HNRNPH1: variants seen among roughly 807,000 people sequenced by gnomAD.
The protein encoded by HNRNPH1 is heterogeneous nuclear ribonucleoprotein H.
A neutral mutation model predicts 58.6 loss-of-function variants in HNRNPH1; 4 were observed. The ratio of observed to expected loss-of-function variants is 0.07; its 90% CI spans 0.03 to 0.16. The LOEUF (loss-of-function observed/expected upper bound fraction) is 0.16. HNRNPH1 is among the 10% of genes least tolerant of loss of function. The pLI is 1.00. For synonymous variants in HNRNPH1, 192 were observed against 189.2 expected (o/e 1.01, Z -0.12); for missense variants, 271 against 564.2 (o/e 0.48, Z 5.26).
intron 10 of HNRNPH1, 76 bp downstream of exon 11, chr5:179,616,793 A>T (rs1206550974): frequency 8.0e-7 from 1 of 1,249,476 alleles, no homozygotes; most frequent in Admixed American, 2.0e-5. Flanking sequence ...TTATTAAATA[A>T]ATAGATTAAC....
At chr5:179,632,609 A>G (rs1774936282) in intron 2 of HNRNPH1, among the ~76,000 whole-genome samples, 1 of 152,222 alleles carries the variant, frequency 6.6e-6, no homozygotes, top group Admixed American at 6.5e-5. Flanking sequence ...CGGCCACCTG[A>G]GGAGGGACCG....
intron 1 of HNRNPH1, chr5:179,622,043 A>T: frequency 2.2e-6 from 1 of 454,050 alleles, no homozygotes; most frequent in Non-Finnish European, 4.4e-6. Context: ...ATCCAAATAG[A>T]ATTTTAATCA....
chr5:179,625,679 ATAG>A (rs1774329900), upstream of HNRNPH1, among the ~76,000 whole-genome samples: 1 of 151,728 alleles, frequency 6.6e-6, no homozygotes, highest in Non-Finnish European at 1.5e-5. Flanking sequence ...AAAAAAAAGA[ATAG>A]TAGTAAGGTA....
At chr5:179,623,264 C>G (rs868421410) in exon 1 of HNRNPH1, 4 of 550,592 alleles carry the variant, frequency 7.3e-6, no homozygotes, top group South Asian at 3.6e-5. Context: ...GAGCAAAAAC[C>G]GGGCGGATGC....
chr5:179,623,249 C>T, exon 1 of HNRNPH1: 1 of 643,062 alleles, frequency 1.6e-6, no homozygotes, highest in Non-Finnish European at 2.6e-6. Flanking sequence ...CACCGCCCCC[C>T]CACGGAGCAA....
intron 11 of HNRNPH1, 77 bp downstream of exon 12, chr5:179,616,049 C>A: frequency 7.8e-7 from 1 of 1,274,274 alleles, no homozygotes; most frequent in East Asian, 2.3e-5. Context: ...ACAGGCTTTA[C>A]CATAACTTAC....
At chr5:179,630,860 G>A (rs1447250218) in intron 2 of HNRNPH1, among the ~76,000 whole-genome samples, 1 of 147,980 alleles carries the variant, frequency 6.8e-6, no homozygotes, top group East Asian at 2.0e-4. Flanking sequence ...GCAGTGAGCC[G>A]AGATCGTGCC....
At chr5:179,615,928 A>C (rs1390017680) in intron 11 of HNRNPH1, 198 bp downstream of exon 12, 14 of 548,666 alleles carry the variant, frequency 2.6e-5, no homozygotes, top group Non-Finnish European at 3.3e-6. Context: ...TAGCTAGTAA[A>C]AACAGTTACA....
At chr5:179,632,206 G>A (rs1361997931) in intron 2 of HNRNPH1, among the ~76,000 whole-genome samples, 1 of 152,096 alleles carries the variant, frequency 6.6e-6, no homozygotes, top group Non-Finnish European at 1.5e-5. Flanking sequence ...TACTTGGGAG[G>A]CTGAGGCAGG....
chr5:179,616,154 G>A (rs115293737), exon 11 of HNRNPH1: 18 of 1,613,922 alleles, frequency 1.1e-5, no homozygotes, highest in African/African-American at 4.0e-5. Flanking sequence ...TCTGGCCACC[G>A]TAGCCGCCTC....
At chr5:179,616,647 C>A (rs755870061) in intron 10 of HNRNPH1, 48 of 571,160 alleles carry the variant, frequency 8.4e-5, no homozygotes, top group Middle Eastern at 9.1e-4. Flanking sequence ...ACTCCGTAGT[C>A]CCCTCCCCCA....
exon 1 of HNRNPH1, chr5:179,623,223 G>A (rs1773577716): frequency 1.1e-5 from 10 of 883,612 alleles, no homozygotes; most frequent in Non-Finnish European, 1.7e-5. Flanking sequence ...TCGCCTCCGA[G>A]GCGCGCCCGG....
exon 1 of HNRNPH1, chr5:179,623,610 G>A (rs1773871870): frequency 6.4e-6 from 1 of 156,822 alleles, no homozygotes; most frequent in South Asian, 1.5e-4. Flanking sequence ...TCGCTGAACT[G>A]CAAGCGAGGA....
intron 11 of HNRNPH1, 189 bp downstream of exon 12, chr5:179,615,937 C>T (rs1769341048): frequency 1.8e-6 from 1 of 565,480 alleles, no homozygotes; most frequent in South Asian, 2.4e-5. Context: ...AAAACAGTTA[C>T]ATTTGGATTG....
chr5:179,620,118 T>A (rs1473722135), intron 3 of HNRNPH1: 4 of 152,218 alleles, frequency 2.6e-5, no homozygotes, highest in Admixed American at 6.5e-5. Context: ...CAAAACAGAC[T>A]TGATTTTAAA....
intron 2 of HNRNPH1, chr5:179,633,901 G>C (rs977972923): frequency 8.6e-6 from 1 of 116,228 alleles, no homozygotes; most frequent in Admixed American, 1.1e-4. Context: ...CTGGGTGATA[G>C]AGCGAGACTC....
intron 5 of HNRNPH1, 36 bp downstream of exon 6, chr5:179,618,109 C>T (rs1443055902): frequency 1.9e-6 from 3 of 1,613,514 alleles, no homozygotes; most frequent in African/African-American, 2.7e-5. Context: ...GACAAAGGAA[C>T]AGACGACTTG....
rs993681774 is a variant in HNRNPH1 at position 179,622,647 on chromosome 5, G to A, written c.97+390C>T. ...AATCGCTTGAACCCAGGAGGCGGAG[G>A]TTGCAGTGAGCCGAGAACGCGCCAC... On this transcript the variant is annotated intron_variant, in intron 1 of 12. Transcript: ENST00000356731. Among the ~76,000 whole-genome samples, 6 of 152,298 alleles carry A rather than the reference G, an allele frequency of 3.9e-5. 1 individual carries two copies. Among genetic ancestry groups the A allele is most frequent in the Middle Eastern group, 3.4e-3 (1 of 294 alleles).
chr5:179,615,549 T>C (rs1252422388), exon 12 of HNRNPH1: 1 of 1,510,840 alleles, frequency 6.6e-7, no homozygotes. Flanking sequence ...TATTTACCTA[T>C]GCAATGTTTG....
Sources: allele counts gnomAD v4.1 joint callset (sites outside exome capture counted in the v4.1 genomes callset), GRCh38; gene constraint gnomAD v4.1.1; transcripts MANE v1.5; gene names NCBI Gene and HGNC (gene_info 2026-07-23, HGNC 2026-07-21).